Variants in NAV3 observed in about 807,000 individuals in gnomAD.
NAV3 encodes the protein pore membrane and/or filament interacting like protein 1.
A neutral mutation model predicts 244.7 loss-of-function variants in NAV3; 87 were observed. The ratio of observed to expected loss-of-function variants is 0.36; its 90% CI spans 0.30 to 0.42. The LOEUF is 0.42. Ranked by LOEUF, NAV3 falls within the 20% of genes least tolerant of loss-of-function variation. The pLI, the probability that NAV3 is intolerant of heterozygous loss-of-function variation, is 1.00. For synonymous variants in NAV3, 1,126 were observed against 1,042.2 expected, an observed-to-expected ratio of 1.08 and a Z score of -1.55; for missense variants, 2,663 against 2,893.3, an observed-to-expected ratio of 0.92 and a Z score of 1.83.
chr12:77,800,353 C>T (rs1871642494), intron 2 of NAV3, among the ~76,000 whole-genome samples: 1 of 152,192 alleles, frequency 6.6e-6, no homozygotes, highest in South Asian at 2.1e-4. Flanking sequence ...CTACAAATCA[C>T]ACCAACTTCA....
chr12:77,749,921 A>G (rs1868754608), intron 2 of NAV3, among the ~76,000 whole-genome samples: 2 of 152,224 alleles, frequency 1.3e-5, no homozygotes, highest in Admixed American at 1.3e-4. Flanking sequence ...AGCTTTAAGG[A>G]GTAGACTTGA....
At chr12:78,060,297 T>G (rs955998285) in intron 12 of NAV3, among the ~76,000 whole-genome samples, 1 of 152,336 alleles carries the variant, frequency 6.6e-6, no homozygotes, top group Middle Eastern at 3.4e-3. Flanking sequence ...TTTTGTACAG[T>G]CAACTCCAAA....
chr12:77,720,178 TC>T (rs1408096710), intron 2 of NAV3, among the ~76,000 whole-genome samples: 1 of 152,066 alleles, frequency 6.6e-6, no homozygotes, highest in East Asian at 1.9e-4. Context: ...TCTCTCTCTC[TC>T]TTTAACCTGG....
At chr12:77,579,697 A>T (rs1437473713) in intron 2 of NAV3, among the ~76,000 whole-genome samples, 1 of 152,232 alleles carries the variant, frequency 6.6e-6, no homozygotes, top group Admixed American at 6.5e-5. Flanking sequence ...AGCAGAAACA[A>T]CCACTGCCTC....
At chr12:77,923,451 T>A (rs1310201818) in intron 1 of NAV3, among the ~76,000 whole-genome samples, 4 of 152,102 alleles carry the variant, frequency 2.6e-5, no homozygotes, top group Non-Finnish European at 1.5e-5. Context: ...TTACTGAAAT[T>A]TGGAAACATC....
chr12:77,993,521 C>T (rs1474773361), intron 5 of NAV3, among the ~76,000 whole-genome samples: 1 of 152,072 alleles, frequency 6.6e-6, no homozygotes, highest in Non-Finnish European at 1.5e-5. Flanking sequence ...TTGCATTATA[C>T]ACAAATAACA....
intron 2 of NAV3, among the ~76,000 whole-genome samples, chr12:77,650,919 C>T (rs377095748): frequency 6.6e-6 from 1 of 152,018 alleles, no homozygotes; most frequent in African/African-American, 2.4e-5. Flanking sequence ...CTCTACCTTG[C>T]TTTTAAGACA....
chr12:77,976,666 C>CTTTCTTTCTTTTTTTTTTTT (rs1446044531), intron 5 of NAV3, among the ~76,000 whole-genome samples: 3 of 58,062 alleles, frequency 5.2e-5, no homozygotes, highest in Admixed American at 2.5e-4. Context: ...TTCTTTCTTT[C>CTTTCTTTCTTTTTTTTTTTT]TTTTTTTCTT....
intron 12 of NAV3, among the ~76,000 whole-genome samples, chr12:78,103,895 G>C (rs1315366288): frequency 6.6e-6 from 1 of 152,176 alleles, no homozygotes; most frequent in Non-Finnish European, 1.5e-5. Context: ...TTTGGGTAGG[G>C]ACACAGAGCC....
intron 2 of NAV3, among the ~76,000 whole-genome samples, chr12:77,747,653 A>C (rs1188470276): frequency 6.6e-6 from 1 of 152,228 alleles, no homozygotes; most frequent in African/African-American, 2.4e-5. Flanking sequence ...TCAATGATAG[A>C]CTGGATTAAG....
chr12:77,650,570 A>G (rs1189038232), intron 2 of NAV3, among the ~76,000 whole-genome samples: 1 of 152,182 alleles, frequency 6.6e-6, no homozygotes, highest in Non-Finnish European at 1.5e-5. Flanking sequence ...AGAAAAGAAT[A>G]TTTTACATGT....
chr12:77,938,736 A>C (rs547963073), intron 1 of NAV3, among the ~76,000 whole-genome samples: 1 of 152,244 alleles, frequency 6.6e-6, no homozygotes, highest in South Asian at 2.1e-4. Flanking sequence ...TTGCAACTTT[A>C]GATATAATAG....
chr12:77,968,063 C>A (rs1233377753), intron 4 of NAV3, among the ~76,000 whole-genome samples: 2 of 152,026 alleles, frequency 1.3e-5, no homozygotes, highest in African/African-American at 4.8e-5. Context: ...AGGAGGTGCA[C>A]CCACATCATC....
At chr12:78,190,932 C>T (rs1016435229) in intron 34 of NAV3, among the ~76,000 whole-genome samples, 1 of 152,028 alleles carries the variant, frequency 6.6e-6, no homozygotes, top group Admixed American at 6.6e-5. Flanking sequence ...TAACACTAAC[C>T]TAGTTTTACC....
intron 16 of NAV3, among the ~76,000 whole-genome samples, chr12:78,122,960 T>C (rs2138721606): frequency 6.6e-6 from 1 of 151,368 alleles, no homozygotes; most frequent in Non-Finnish European, 1.5e-5. Flanking sequence ...TAGAGAAAAT[T>C]ATAGTGTCAG....
chr12:77,907,853 C>T (rs142267330), intron 1 of NAV3, among the ~76,000 whole-genome samples: 3 of 152,200 alleles, frequency 2.0e-5, no homozygotes, highest in Non-Finnish European at 2.9e-5. Flanking sequence ...TAAATGTTAA[C>T]TCACTGCACT....
intron 10 of NAV3, 94 bp downstream of exon 10, chr12:78,050,195 C>T (rs1882528757): frequency 2.4e-6 from 2 of 844,576 alleles, no homozygotes; most frequent in Non-Finnish European, 3.8e-6. Context: ...GATGGGATTT[C>T]AGTTTCCCCT....
At chr12:77,764,267 T>C (rs1869632712) in intron 2 of NAV3, among the ~76,000 whole-genome samples, 1 of 152,234 alleles carries the variant, frequency 6.6e-6, no homozygotes, top group South Asian at 2.1e-4. Flanking sequence ...GGTATTCATA[T>C]ACTGAGTAAT....
At chr12:77,707,306 G>A (rs1215730656) in intron 2 of NAV3, among the ~76,000 whole-genome samples, 1 of 149,514 alleles carries the variant, frequency 6.7e-6, no homozygotes, top group Non-Finnish European at 1.5e-5. Context: ...AGAACATGTG[G>A]TGTTTGGTTT....
Sources: allele counts gnomAD v4.1 joint callset (sites outside exome capture counted in the v4.1 genomes callset), GRCh38; gene constraint gnomAD v4.1.1; transcripts MANE v1.5; gene names NCBI Gene and HGNC (gene_info 2026-07-23, HGNC 2026-07-21).